The following LRRC74A variants were observed in gnomAD, a reference collection of about 807,000 sequenced individuals.
LRRC74A encodes leucine-rich repeat-containing protein 74A.
In LRRC74A, 44 loss-of-function variants were observed where a neutral mutation model predicts 57.9. That is an observed-to-expected ratio of 0.76 (90% CI 0.60 to 0.98). The LOEUF (loss-of-function observed/expected upper bound fraction) is 0.98. LRRC74A is among the 50% of genes least tolerant of loss of function. The pLI, the probability that LRRC74A is intolerant of heterozygous loss-of-function variation, is 0.00. For missense variants in LRRC74A, 572 were observed against 574.0 expected (o/e 1.00, Z 0.04); for synonymous variants, 211 against 219.4 (o/e 0.96, Z 0.34).
At chr14:76,836,903 A>C (rs1896390203) in intron 4 of LRRC74A, among the ~76,000 whole-genome samples, 2 of 151,472 alleles carry the variant, frequency 1.3e-5, no homozygotes, top group South Asian at 4.2e-4. Flanking sequence ...CACTTTGGGA[A>C]GGCAAAGTGG....
At chr14:76,843,364 T>A (rs1022068983) in intron 5 of LRRC74A, among the ~76,000 whole-genome samples, 8 of 151,994 alleles carry the variant, frequency 5.3e-5, no homozygotes, top group Non-Finnish European at 1.0e-4. Context: ...TTTGGTTTTT[T>A]AAAATGTTGT....
At chr14:76,827,124 T>C (rs929119542) in intron 1 of LRRC74A, among the ~76,000 whole-genome samples, 32 of 152,352 alleles carry the variant, frequency 2.1e-4, no homozygotes, top group African/African-American at 7.5e-4. Flanking sequence ...TTCTACTGGT[T>C]GAATGGAATT....
In LRRC74A at chr14:76,865,994, G is replaced by T. The variant is rs748253194; in HGVS notation, c.1227G>T (p.Thr409=). ...IQSYADQHKI[T]IVDFFKSLNP... ...GCTATGCAGACCAACACAAAATCAC[G>T]ATCGTGGACTTCTTCAAGAGCTTGA... Residue 409 remains threonine (T), a synonymous_variant, in exon 12 of 14, where the codon ACG becomes ACT. Coordinates refer to ENST00000689127, the MANE Select transcript of LRRC74A (RefSeq NM_001385106.1). 6.2e-7 allele frequency: 1 copy of T among 1,600,284 alleles called. No individual in the cohort carries two copies. Among genetic ancestry groups the T allele is most frequent in the South Asian group, 1.1e-5 (1 of 89,828 alleles).
chr14:76,851,653 T>C (rs1897499607), intron 7 of LRRC74A, among the ~76,000 whole-genome samples: 1 of 149,924 alleles, frequency 6.7e-6, no homozygotes. Flanking sequence ...CCACCGTGCC[T>C]GGCCAAATAA....
intron 7 of LRRC74A, among the ~76,000 whole-genome samples, chr14:76,847,229 T>C (rs977660927): frequency 6.6e-6 from 1 of 152,012 alleles, no homozygotes; most frequent in African/African-American, 2.4e-5. Flanking sequence ...CAGCATGGAG[T>C]GTTAGTGGCT....
intron 9 of LRRC74A, among the ~76,000 whole-genome samples, chr14:76,856,386 G>T (rs1437481892): frequency 1.3e-5 from 2 of 152,182 alleles, no homozygotes; most frequent in African/African-American, 4.8e-5. Context: ...TTGTTTGCCT[G>T]TCTCCCCCAA....
At chr14:76,852,582 C>G (rs1897578175) in intron 8 of LRRC74A, 132 bp downstream of exon 8, 1 of 527,568 alleles carries the variant, frequency 1.9e-6, no homozygotes, top group Non-Finnish European at 3.2e-6. Flanking sequence ...AAATACTTTT[C>G]AAGTTATTGT....
chr14:76,852,365 C>A lies in LRRC74A; in HGVS notation c.677C>A (p.Ala226Asp), dbSNP rs751230531. The A allele has an allele frequency of 1.2e-6, 2 of 1,607,030 alleles. No homozygotes were observed. Among genetic ancestry groups the A allele is most frequent in the Non-Finnish European group, 1.7e-6 (2 of 1,174,918 alleles). ...VGGEHLGQML[A>D]INVGLTSLDL... is the part of the protein sequence containing the mutation. ...TAAGCCGATTCCCTCCCTGTTTCAGCCATCAACGTGGGGCTCACGTCACTG... is the reference window on the plus strand; with the variant it reads ...TAAGCCGATTCCCTCCCTGTTTCAGACATCAACGTGGGGCTCACGTCACTG... The change falls in exon 8 of 14, where the codon GCC (alanine) becomes GAC (aspartate). Residue 226 changes from alanine to aspartate, a missense_variant and splice_region_variant. Physicochemically the swap from Ala to Asp is moderately radical, Grantham distance 126. Coordinates refer to ENST00000689127, the MANE Select transcript of LRRC74A (RefSeq NM_001385106.1).
At chr14:76,834,706 TTGGGGAC>T (rs1285439180) in intron 3 of LRRC74A, among the ~76,000 whole-genome samples, 1 of 152,086 alleles carries the variant, frequency 6.6e-6, no homozygotes, top group Non-Finnish European at 1.5e-5. Context: ...GTGGATGGAT[TTGGGGAC>T]TGGGCCTCCT....
intron 11 of LRRC74A, among the ~76,000 whole-genome samples, chr14:76,862,450 A>T (rs1490672746): frequency 2.2e-3 from 1 of 454 alleles, no homozygotes; most frequent in East Asian, 0.083. Flanking sequence ...GAATCGCTCG[A>T]CGCTTGAACC....
At chr14:76,851,432 A>G (rs1017080345) in intron 7 of LRRC74A, among the ~76,000 whole-genome samples, 14 of 152,168 alleles carry the variant, frequency 9.2e-5, no homozygotes, top group African/African-American at 2.9e-4. Context: ...ATCTTGGCTC[A>G]CTGCAAACTC....
chr14:76,841,647 T>C (rs1896779555), intron 5 of LRRC74A, among the ~76,000 whole-genome samples: 1 of 152,056 alleles, frequency 6.6e-6, no homozygotes, highest in African/African-American at 2.4e-5. Flanking sequence ...CAATATTGAG[T>C]CTCCTCATTT....
chr14:76,865,033 A>G (rs1197081647), intron 11 of LRRC74A, among the ~76,000 whole-genome samples: 1 of 152,184 alleles, frequency 6.6e-6, no homozygotes, highest in Non-Finnish European at 1.5e-5. Context: ...TAAAAAGATA[A>G]AAGGGTCCAC....
rs1354265145 is a variant in LRRC74A, at chr14:76,853,463, T to TGTGTGTGTGTGTGTG, written c.957+53_957+54insGTGTGTGTGTGTGTG. The TGTGTGTGTGTGTGTG allele has an allele frequency of 7.8e-4, 218 of 279,622 alleles. 1 individual carries two copies. The African/African-American group carries it at 9.4e-3, about 12-fold the overall frequency. 17.3% of individuals were successfully genotyped at this position (279,622 alleles called of 1,614,324 possible). A position where few individuals can be genotyped will look rare whatever the true frequency, so the allele number is the denominator to read the frequency against. On this transcript the variant is annotated intron_variant, in intron 9 of 13. Transcript: ENST00000689127. ...TGTGTGTGTGTGTGTGTGTGTGTGT[T>TGTGTGTGTGTGTGTG]TGTGTATGTGTTGGGATAAGTTGGG... is the stretch of plus-strand genomic sequence containing the variant.
intron 2 of LRRC74A, among the ~76,000 whole-genome samples, chr14:76,830,821 G>A (rs17736206): frequency 0.064 from 9,820 of 152,282 alleles, 377 homozygotes; most frequent in Middle Eastern, 0.19. Flanking sequence ...AAAGTCATCC[G>A]CGTTTGGCCT....
intron 7 of LRRC74A, among the ~76,000 whole-genome samples, 180 bp downstream of exon 7, chr14:76,845,081 C>T (rs1275349854): frequency 6.6e-6 from 1 of 152,208 alleles, no homozygotes; most frequent in Non-Finnish European, 1.5e-5. Context: ...CCCAGAACTT[C>T]AGGAGCCTGA....
chr14:76,849,494 G>A (rs17405877), intron 7 of LRRC74A, among the ~76,000 whole-genome samples: 138,172 of 151,980 alleles, frequency 0.91, 62,968 homozygotes, highest in Non-Finnish European at 0.94. Context: ...CGTACTGCAA[G>A]TGCAGCTTTT....
intron 13 of LRRC74A, among the ~76,000 whole-genome samples, chr14:76,869,488 C>T (rs1351205809): frequency 6.6e-6 from 1 of 150,892 alleles, no homozygotes; most frequent in Non-Finnish European, 1.5e-5. Flanking sequence ...GCGCGGTGCT[C>T]ACGCCTGTAA....
At chr14:76,838,040 A>G in intron 5 of LRRC74A, 69 bp downstream of exon 5, 1 of 1,035,482 alleles carries the variant, frequency 9.7e-7, no homozygotes, top group East Asian at 2.6e-5. Flanking sequence ...AAAACAGAGA[A>G]TTCAATGTCT....
Sources: gnomAD v4.1 joint callset for allele counts (sites outside exome capture counted in the v4.1 genomes callset) on GRCh38, gnomAD v4.1.1 for gene constraint, MANE v1.5 for transcripts, NCBI Gene and HGNC (gene_info 2026-07-23, HGNC 2026-07-21) for gene names.